The following SLC5A10 variants were observed in gnomAD, a reference collection of about 807,000 sequenced individuals.
The protein encoded by SLC5A10 is solute carrier family 5 member 10, also known as sodium/mannose cotransporter SLC5A10.
SLC5A10 carries 55 observed loss-of-function variants against 68.9 expected under a neutral mutation model. That is an observed-to-expected ratio of 0.80 (90% CI 0.64 to 1.00). SLC5A10 has a LOEUF of 1.00. Among genes scored for constraint, SLC5A10 ranks in the 50% least tolerant of loss-of-function variants. The pLI, the probability that SLC5A10 is intolerant of heterozygous loss-of-function variation, is 0.00. For missense variants in SLC5A10, 732 were observed against 819.3 expected, an observed-to-expected ratio of 0.89 and a Z score of 1.30; for synonymous variants, 344 against 344.8, an observed-to-expected ratio of 1.00 and a Z score of 0.02.
At chr17:18,987,166 GACC>G (rs2043291711) in intron 9 of SLC5A10, among the ~76,000 whole-genome samples, 1 of 152,180 alleles carries the variant, frequency 6.6e-6, no homozygotes, top group Non-Finnish European at 1.5e-5. Context: ...CTTCTCCTAG[GACC>G]ACAAGCCTGA....
rs1216730368 is a variant in SLC5A10, at chr17:19,011,424, G to A, written c.983-1986G>A. ...AGCAGGTCAGGGTGGCTCGTGCACG[G>A]TGCTGGGATGGGAGGTTCTGGGACC... On this transcript the variant is annotated intron_variant, in intron 9 of 14. Coordinates refer to ENST00000395645, the MANE Select transcript of SLC5A10 (RefSeq NM_001042450.4). 2.6e-5 allele frequency among the ~76,000 whole-genome samples: 4 copies of A among 152,218 alleles called. No individual in the cohort carries two copies. The East Asian group carries it at 5.8e-4, about 22-fold the overall frequency.
At chr17:18,957,385 C>A (rs1567775825) in intron 1 of SLC5A10, among the ~76,000 whole-genome samples, 1 of 152,210 alleles carries the variant, frequency 6.6e-6, no homozygotes. Flanking sequence ...AGGTAAGGAG[C>A]TGACTGCTTC....
At chr17:18,961,276 T>C (rs2042609272) in intron 5 of SLC5A10, among the ~76,000 whole-genome samples, 1 of 152,140 alleles carries the variant, frequency 6.6e-6, no homozygotes, top group Non-Finnish European at 1.5e-5. Context: ...ATGGCAACAC[T>C]AGGCCTTCTG....
In SLC5A10 at chr17:18,982,075, GAT is replaced by G. The variant is rs1293314434; in HGVS notation, c.982+5087_982+5088del. 2.0e-5 allele frequency among the ~76,000 whole-genome samples: 3 copies of G among 152,240 alleles called. No individual in the cohort carries two copies. In the East Asian group the frequency reaches 5.8e-4, roughly 29 times the overall value. ...CCCCACCCATCCCAAACCTTGTCCTGATGAGGGCTCGGAAAGTCACCACTTCC... is the reference window on the plus strand; with the variant it reads ...CCCCACCCATCCCAAACCTTGTCCTGGAGGGCTCGGAAAGTCACCACTTCC... On this transcript the variant is annotated intron_variant, in intron 9 of 14. Transcript: ENST00000395645.
chr17:18,960,039 T>C (rs1261080266), intron 4 of SLC5A10, among the ~76,000 whole-genome samples: 5 of 152,100 alleles, frequency 3.3e-5, no homozygotes, highest in Non-Finnish European at 2.9e-5. Context: ...ACCCCTGGGC[T>C]GCGTACCTGA....
Position 18,971,061 on chromosome 17 carries a change from AG to A in SLC5A10, c.691del (p.Ala231ProfsTer36). 6.2e-7 allele frequency: 1 copy of A among 1,614,060 alleles called. No individual in the cohort carries two copies. Among genetic ancestry groups the A allele is most frequent in the Non-Finnish European group, 8.5e-7 (1 of 1,180,024 alleles). ...GGGCAGCTGGAGGCAGCCTACGCCC[AG>A]GCCATTCCCTCCAGGACCATTGCCA... ...GYGQLEAAYAQAIPSRTIANT... is the reference protein window; with the variant it reads ...GYGQLEAAYAXAIPSRTIANT... On this transcript the variant is annotated frameshift_variant, in exon 8 of 15. Transcript: ENST00000395645. LOFTEE classifies it high-confidence loss of function. The surrounding 1 kb of genome is among the most constrained non-coding windows in gnomAD (Gnocchi z 5.5).
chr17:19,022,260 C>A lies in SLC5A10; in HGVS notation c.*1829C>A, dbSNP rs1365990729. On this transcript the variant is annotated 3_prime_UTR_variant, in exon 15 of 15. Coordinates refer to ENST00000395645, the MANE Select transcript of SLC5A10 (RefSeq NM_001042450.4). ...AGGTGAGGAGGGGTCTCGGGCAGCA[C>A]CGGAGTTGAACTTTAAGTCCAGATC... 8 of 558,404 alleles carry A rather than the reference C, an allele frequency of 1.4e-5. No homozygotes were observed. In the South Asian group the frequency reaches 2.2e-4, roughly 16 times the overall value. The allele number at this position is 558,404 out of a possible 1,614,324, so 34.6% of individuals were successfully genotyped here.
intron 2 of SLC5A10, 122 bp from the exon 3 acceptor site, chr17:18,959,012 TC>T: frequency 1.0e-6 from 1 of 965,438 alleles, no homozygotes; most frequent in Non-Finnish European, 1.5e-6. Context: ...CCTGGGCTCC[TC>T]ATCCGTGAGG....
chr17:18,978,838 C>G (rs375158235), intron 9 of SLC5A10: 1 of 1,611,674 alleles, frequency 6.2e-7, no homozygotes, highest in Non-Finnish European at 8.5e-7. Context: ...TCCGCGCGGC[C>G]GACCACGTGA....
At chr17:18,979,796 G>A (rs778394665) in intron 9 of SLC5A10, 35 of 1,103,634 alleles carry the variant, frequency 3.2e-5, no homozygotes, top group Middle Eastern at 5.9e-4. Context: ...GGAAGAAAGA[G>A]GCTGTAAGGC....
At chr17:18,961,410 C>T (rs1471920906) in intron 5 of SLC5A10, among the ~76,000 whole-genome samples, 2 of 152,164 alleles carry the variant, frequency 1.3e-5, no homozygotes, top group African/African-American at 4.8e-5. Flanking sequence ...GACCTCCGAG[C>T]CTCCCTGTGC....
intron 1 of SLC5A10, among the ~76,000 whole-genome samples, chr17:18,958,303 G>A (rs1018583447): frequency 2.0e-5 from 3 of 151,830 alleles, no homozygotes; most frequent in Admixed American, 1.3e-4. Flanking sequence ...CAAGTGATCC[G>A]CTTACCTCCG....
At chr17:18,977,239 C>T (rs1046792609) in intron 9 of SLC5A10, 15 of 601,176 alleles carry the variant, frequency 2.5e-5, no homozygotes, top group Admixed American at 3.1e-5. Context: ...CCCTGTGCCC[C>T]GCCTTTTCCT....
At chr17:18,954,107 G>A (rs1036840059) in intron 1 of SLC5A10, 9 of 152,272 alleles carry the variant, frequency 5.9e-5, no homozygotes, top group African/African-American at 1.7e-4. Flanking sequence ...AGGAGCAAGG[G>A]TCCAATGGAA....
At chr17:18,952,383 G>A (rs746507659) in intron 1 of SLC5A10, 67 bp downstream of exon 1, 2 of 1,536,350 alleles carry the variant, frequency 1.3e-6, no homozygotes, top group Non-Finnish European at 8.8e-7. Context: ...TGGGAACCGG[G>A]GTCCAGCATG....
In SLC5A10 at chr17:18,968,902, C is replaced by T. The variant is rs2042766342; in HGVS notation, c.454-150C>T. 1.5e-6 allele frequency: 1 copy of T among 658,412 alleles called. No homozygotes were observed. Among genetic ancestry groups the T allele is most frequent in the Admixed American group, 2.9e-5 (1 of 33,930 alleles). The allele number at this position is 658,412 out of a possible 1,614,324, so 40.8% of individuals were successfully genotyped here. A position where few individuals can be genotyped will look rare whatever the true frequency, so the allele number is the denominator to read the frequency against. On this transcript the variant is annotated intron_variant, in intron 5 of 14. Coordinates refer to ENST00000395645, the MANE Select transcript of SLC5A10 (RefSeq NM_001042450.4). This position sits in a 1 kb window ranked among gnomAD's most constrained non-coding sequence, Gnocchi z 4.1. ...TCTTCCCCCAACCTCACAATGGCCC[C>T]GTGATGCAGGCAGGCAGGCGAGTGG...
chr17:18,952,343 C>T, intron 1 of SLC5A10, 27 bp downstream of exon 1: 1 of 1,596,440 alleles, frequency 6.3e-7, no homozygotes, highest in Non-Finnish European at 8.5e-7. Flanking sequence ...TGGTGTTGGC[C>T]AAGTGGGCTC....
chr17:18,978,685 C>T (rs1266029895), intron 9 of SLC5A10: 1 of 1,613,018 alleles, frequency 6.2e-7, no homozygotes, highest in East Asian at 2.2e-5. Flanking sequence ...CAGAGGGCAG[C>T]ACAATAGGCT....
Position 18,971,329 on chromosome 17 carries a change from G to T in SLC5A10, c.846+111G>T. On this transcript the variant is annotated intron_variant, in intron 8 of 14. Transcript: ENST00000395645. The surrounding 1 kb of genome is among the most constrained non-coding windows in gnomAD (Gnocchi z 5.5). ...GTCATGAGTCTGGGCTGGGGCCTCA[G>T]AAGGTGTGGCTCCAGGCTGGGACAT... is the stretch of plus-strand genomic sequence containing the variant. The T allele has an allele frequency of 6.2e-7, 1 of 1,606,954 alleles. No individual in the cohort carries two copies. The highest frequency in any genetic ancestry group is 8.5e-7 in the Non-Finnish European group (1 of 1,175,502).
Sources: gnomAD v4.1 joint callset for allele counts (sites outside exome capture counted in the v4.1 genomes callset) on GRCh38, gnomAD v4.1.1 for gene constraint, Gnocchi (gnomAD v3.1) non-coding constraint, MANE v1.5 for transcripts, NCBI Gene and HGNC (gene_info 2026-07-23, HGNC 2026-07-21) for gene names.